RBFOX1: variants seen among roughly 807,000 people sequenced by gnomAD.
The protein encoded by RBFOX1 is RNA binding fox-1 homolog 1.
RBFOX1 carries 8 observed loss-of-function variants against 57.7 expected under a neutral mutation model. The observed-to-expected ratio is 0.14, with a 90% CI of 0.08 to 0.25. RBFOX1 has a LOEUF of 0.25. Ranked by LOEUF, RBFOX1 falls within the 10% of genes least tolerant of loss-of-function variation. The pLI is 1.00. For synonymous variants in RBFOX1, 326 were observed against 222.4 expected (o/e 1.47, Z -4.15); for missense variants, 611 against 548.5 (o/e 1.11, Z -1.14).
At chr16:6,577,656 A>G (rs57756256) in intron 2 of RBFOX1, among the ~76,000 whole-genome samples, 47,786 of 152,058 alleles carry the variant, frequency 0.31, 9,136 homozygotes, top group Non-Finnish European at 0.42. Flanking sequence ...CACCATGTCA[A>G]TAAGTAGTTC....
intron 3 of RBFOX1, among the ~76,000 whole-genome samples, chr16:6,726,274 G>A (rs988305412): frequency 6.6e-6 from 1 of 151,928 alleles, no homozygotes. Flanking sequence ...TGTGACTCTG[G>A]TTTTATGTAA....
chr16:6,879,351 C>G (rs1373495463), intron 3 of RBFOX1, among the ~76,000 whole-genome samples: 3 of 152,178 alleles, frequency 2.0e-5, no homozygotes, highest in African/African-American at 4.8e-5. Flanking sequence ...TGTCTCCTAT[C>G]TTTCCTAATT....
intron 4 of RBFOX1, among the ~76,000 whole-genome samples, chr16:7,070,113 T>A (rs1381142542): frequency 6.6e-6 from 1 of 152,120 alleles, no homozygotes; most frequent in Non-Finnish European, 1.5e-5. Context: ...ATTGAATAGG[T>A]TTGCAAGCAA....
chr16:7,311,358 T>G (rs1379692447), intron 4 of RBFOX1, among the ~76,000 whole-genome samples: 5 of 152,148 alleles, frequency 3.3e-5, no homozygotes, highest in African/African-American at 1.2e-4. Context: ...CAATGACTAT[T>G]TTTTTTCTCC....
At chr16:7,618,540 T>G (rs541881765) in intron 10 of RBFOX1, among the ~76,000 whole-genome samples, 89 of 152,338 alleles carry the variant, frequency 5.8e-4, no homozygotes, top group Non-Finnish European at 9.0e-4. Context: ...ATGTTTTTTT[T>G]TAATGTTTTA....
At chr16:5,905,399 T>C (rs1030254514) in intron 4 of RBFOX1, among the ~76,000 whole-genome samples, 6 of 151,848 alleles carry the variant, frequency 4.0e-5, no homozygotes, top group African/African-American at 1.2e-4. Context: ...CAGACACATA[T>C]AGAGGGAAGC....
intron 4 of RBFOX1, among the ~76,000 whole-genome samples, chr16:7,178,960 G>A (rs115800691): frequency 0.012 from 1,863 of 152,230 alleles, 44 homozygotes; most frequent in African/African-American, 0.043. Context: ...TAACACTGCT[G>A]GCCCATTATA....
chr16:7,319,090 T>A (rs1397194527), intron 4 of RBFOX1, among the ~76,000 whole-genome samples: 3 of 152,192 alleles, frequency 2.0e-5, no homozygotes, highest in Non-Finnish European at 4.4e-5. Context: ...TGTTTTTTTA[T>A]CCTAATTTTA....
At chr16:7,381,296 A>C (rs1369206384) in intron 4 of RBFOX1, among the ~76,000 whole-genome samples, 5 of 152,216 alleles carry the variant, frequency 3.3e-5, no homozygotes, top group African/African-American at 1.2e-4. Context: ...GTTGGCTCAT[A>C]ATATTGCCTT....
intron 1 of RBFOX1, among the ~76,000 whole-genome samples, chr16:6,152,002 C>G (rs930734928): frequency 2.0e-5 from 3 of 152,160 alleles, no homozygotes; most frequent in Non-Finnish European, 4.4e-5. Context: ...AATAGCCATT[C>G]CTTGGGTTTC....
intron 1 of RBFOX1, among the ~76,000 whole-genome samples, chr16:6,133,308 G>A (rs751314501): frequency 2.6e-5 from 4 of 152,166 alleles, no homozygotes; most frequent in African/African-American, 7.2e-5. Context: ...TGGCTTCCAC[G>A]TTGCTCTCTC....
chr16:5,763,392 G>A (rs527604896), intron 3 of RBFOX1, among the ~76,000 whole-genome samples: 2 of 152,318 alleles, frequency 1.3e-5, no homozygotes, highest in East Asian at 3.9e-4. Context: ...CGATGCAAAC[G>A]TGTGTCCTCG....
At chr16:5,370,310 C>T (rs2065825310) in intron 1 of RBFOX1, among the ~76,000 whole-genome samples, 1 of 152,022 alleles carries the variant, frequency 6.6e-6, no homozygotes. Context: ...ACGGCATCTC[C>T]ATGAGTTTTG....
At chr16:6,250,166 A>T (rs1374241233) in intron 1 of RBFOX1, among the ~76,000 whole-genome samples, 1 of 152,150 alleles carries the variant, frequency 6.6e-6, no homozygotes. Flanking sequence ...GCTGTTGCTT[A>T]GTTGCTTGCT....
intron 2 of RBFOX1, among the ~76,000 whole-genome samples, chr16:6,507,710 A>C (rs2096141081): frequency 6.6e-6 from 1 of 152,140 alleles, no homozygotes; most frequent in Non-Finnish European, 1.5e-5. Context: ...AAGAGAGATA[A>C]GATAGTCACA....
chr16:6,666,939 C>T (rs2098736844), intron 3 of RBFOX1, among the ~76,000 whole-genome samples: 1 of 152,174 alleles, frequency 6.6e-6, no homozygotes, highest in Non-Finnish European at 1.5e-5. Flanking sequence ...CCTCACTTGC[C>T]AGCACAGCTG....
At chr16:7,281,226 C>G (rs1447781939) in intron 4 of RBFOX1, among the ~76,000 whole-genome samples, 1 of 151,844 alleles carries the variant, frequency 6.6e-6, no homozygotes, top group Non-Finnish European at 1.5e-5. Context: ...TGGTCTCAGA[C>G]TCCTGAACTT....
At chr16:7,601,831 T>G (rs2095041314) in intron 9 of RBFOX1, among the ~76,000 whole-genome samples, 1 of 152,162 alleles carries the variant, frequency 6.6e-6, no homozygotes, top group Non-Finnish European at 1.5e-5. Flanking sequence ...GAAATAGAAA[T>G]CCTGTATTTT....
chr16:6,895,071 A>G (rs1567758392), intron 3 of RBFOX1, among the ~76,000 whole-genome samples: 1 of 152,106 alleles, frequency 6.6e-6, no homozygotes, highest in Non-Finnish European at 1.5e-5. Context: ...TACATCTTTA[A>G]TAAATAATCT....
Sources: allele counts gnomAD v4.1 joint callset (sites outside exome capture counted in the v4.1 genomes callset), GRCh38; gene constraint gnomAD v4.1.1; transcripts MANE v1.5; gene names NCBI Gene and HGNC (gene_info 2026-07-23, HGNC 2026-07-21).